The following DNAH5 variants were observed in gnomAD, a reference collection of about 807,000 sequenced individuals.
DNAH5 encodes the protein axonemal beta dynein heavy chain 5.
A neutral mutation model predicts 518.2 loss-of-function variants in DNAH5; 372 were observed. The observed-to-expected ratio is 0.72, with a 90% CI of 0.66 to 0.78. The LOEUF (loss-of-function observed/expected upper bound fraction) is 0.78. Ranked by LOEUF, DNAH5 falls within the 30% of genes least tolerant of loss-of-function variation. The probability of loss-of-function intolerance (pLI) is 0.00; values close to 1 mark genes in which losing one functional copy is unlikely to be tolerated. For synonymous variants in DNAH5, 2,039 were observed against 2,025.9 expected (o/e 1.01, Z -0.17); for missense variants, 5,523 against 5,687.0 (o/e 0.97, Z 0.93).
At chr5:13,928,299 G>A (rs1778086467) in intron 2 of DNAH5, 121 bp from the exon 3 acceptor site, 2 of 694,874 alleles carry the variant, frequency 2.9e-6, no homozygotes, top group East Asian at 2.7e-5. Context: ...AAACAGGACT[G>A]CATCTAATGT....
At chr5:13,737,746 A>G (rs1317990873) in intron 65 of DNAH5, among the ~76,000 whole-genome samples, 2 of 150,882 alleles carry the variant, frequency 1.3e-5, no homozygotes, top group Non-Finnish European at 3.0e-5. Context: ...TCAACATGGT[A>G]AAACCCCATC....
chr5:13,940,253 T>C (rs1265443684), intron 1 of DNAH5, among the ~76,000 whole-genome samples: 2 of 152,006 alleles, frequency 1.3e-5, no homozygotes, highest in Non-Finnish European at 2.9e-5. Flanking sequence ...GGACCTGAAG[T>C]GAGATCTGGT....
rs2151857094 is a variant in DNAH5, at chr5:13,839,400, A to G, written c.5838T>C (p.Phe1946=). The G allele has an allele frequency of 1.2e-6, 2 of 1,614,124 alleles. No individual in the cohort carries two copies. Among genetic ancestry groups the G allele is most frequent in the Admixed American group, 3.3e-5 (2 of 60,034 alleles). Residue 1946 remains phenylalanine (F), a synonymous_variant, in exon 35 of 79, where the codon TTT becomes TTC. Coordinates refer to ENST00000265104, the MANE Select transcript of DNAH5 (RefSeq NM_001369.3). Reference sequence around the variant, plus strand: ...TTACAAGCCTGTCAGTGCAGCCTAAAAATTCATTCTGGTATATGAACGCCA... The same window carrying G: ...TTACAAGCCTGTCAGTGCAGCCTAAGAATTCATTCTGGTATATGAACGCCA... ...TDVAFIYQNE[F]LGCTDRLVIT...
chr5:13,820,685 C>T (rs1338972041), intron 40 of DNAH5, among the ~76,000 whole-genome samples, 186 bp from the exon 41 acceptor site: 1 of 151,990 alleles, frequency 6.6e-6, no homozygotes. Flanking sequence ...ATTAGCCAGG[C>T]ATAGTGGTGG....
At chr5:13,845,813 C>A in intron 31 of DNAH5, among the ~76,000 whole-genome samples, 1 of 141,012 alleles carries the variant, frequency 7.1e-6, no homozygotes. Context: ...TATTAGTATT[C>A]ATTTTAGCCT....
chr5:13,798,755 T>C (rs1018468769), intron 47 of DNAH5, among the ~76,000 whole-genome samples: 1 of 140,072 alleles, frequency 7.1e-6, no homozygotes, highest in Non-Finnish European at 1.5e-5. Context: ...TTTATTTATT[T>C]ATTTATTTAT....
intron 58 of DNAH5, among the ~76,000 whole-genome samples, chr5:13,768,739 G>A (rs1362977583): frequency 6.6e-6 from 1 of 152,164 alleles, no homozygotes; most frequent in Non-Finnish European, 1.5e-5. Flanking sequence ...ATATGGCATT[G>A]CCCAACATTG....
chr5:13,791,086 A>C (rs1756911311), intron 50 of DNAH5, among the ~76,000 whole-genome samples: 1 of 152,024 alleles, frequency 6.6e-6, no homozygotes, highest in Non-Finnish European at 1.5e-5. Context: ...GTTAAAAATA[A>C]ATCAACAAAT....
intron 1 of DNAH5, among the ~76,000 whole-genome samples, chr5:13,994,188 G>T (rs1233319529): frequency 6.6e-6 from 1 of 152,162 alleles, no homozygotes; most frequent in Non-Finnish European, 1.5e-5. Flanking sequence ...CTGGCCCTAA[G>T]ATGGTGGCAC....
At chr5:13,701,517 AAAAG>A in intron 76 of DNAH5, 81 bp from the exon 77 acceptor site, 1 of 1,287,476 alleles carries the variant, frequency 7.8e-7, no homozygotes, top group East Asian at 2.3e-5. Context: ...TGAAAAAAAA[AAAAG>A]ATGAAATATC....
intron 1 of DNAH5, among the ~76,000 whole-genome samples, chr5:13,994,723 T>G (rs1394915385): frequency 6.6e-6 from 1 of 152,156 alleles, no homozygotes; most frequent in Non-Finnish European, 1.5e-5. Flanking sequence ...GACCTCAATT[T>G]GAGAGCTCTT....
At chr5:13,910,878 G>A (rs895666699) in intron 12 of DNAH5, among the ~76,000 whole-genome samples, 3 of 152,228 alleles carry the variant, frequency 2.0e-5, no homozygotes, top group Non-Finnish European at 4.4e-5. Context: ...AGGCAAGATG[G>A]CTGGTCTGCA....
chr5:13,994,331 G>A (rs1003424599), intron 1 of DNAH5, among the ~76,000 whole-genome samples: 2 of 152,102 alleles, frequency 1.3e-5, no homozygotes, highest in African/African-American at 2.4e-5. Context: ...GAATTTTGCC[G>A]CTGAGATCAT....
At chr5:13,809,306 T>G in intron 45 of DNAH5, 120 bp from the exon 46 acceptor site, 3 of 1,232,180 alleles carry the variant, frequency 2.4e-6, no homozygotes, top group Non-Finnish European at 3.6e-6. Context: ...AAAATGAAGA[T>G]CATTAAAATT....
intron 75 of DNAH5, among the ~76,000 whole-genome samples, chr5:13,713,761 T>G (rs1827409): frequency 0.44 from 67,091 of 151,244 alleles, 15,275 homozygotes; most frequent in African/African-American, 0.55. Flanking sequence ...GGTGATGGGT[T>G]CACCAATATC....
chr5:13,876,532 T>G, intron 22 of DNAH5, 152 bp downstream of exon 22: 1 of 836,932 alleles, frequency 1.2e-6, no homozygotes, highest in Non-Finnish European at 1.8e-6. Flanking sequence ...GATCTTCAGT[T>G]AGACAAACAT....
chr5:13,796,067 T>C (rs900134765), intron 47 of DNAH5, among the ~76,000 whole-genome samples: 5 of 152,200 alleles, frequency 3.3e-5, no homozygotes, highest in African/African-American at 1.2e-4. Flanking sequence ...ATAAGAGCTA[T>C]GTATGACAAA....
At chr5:13,797,001 T>C (rs888914881) in intron 47 of DNAH5, among the ~76,000 whole-genome samples, 4 of 152,164 alleles carry the variant, frequency 2.6e-5, no homozygotes, top group African/African-American at 9.7e-5. Context: ...TAGCCATACA[T>C]AGAAAGCTGA....
chr5:13,758,037 T>C lies in DNAH5; in HGVS notation c.10419+809A>G, dbSNP rs186526294. ...TTATCAGAGGCAGATACAGATTTTA[T>C]TAAGCCAAAAGCTTATATACTCTAG... On this transcript the variant is annotated intron_variant, in intron 61 of 78. Coordinates refer to ENST00000265104, the MANE Select transcript of DNAH5 (RefSeq NM_001369.3). Among the ~76,000 whole-genome samples, 78 of 151,726 alleles carry C rather than the reference T, an allele frequency of 5.1e-4. No homozygotes were observed. In the East Asian group the frequency reaches 0.011, roughly 22 times the overall value.
Sources: gnomAD v4.1 joint callset for allele counts (sites outside exome capture counted in the v4.1 genomes callset) on GRCh38, gnomAD v4.1.1 for gene constraint, MANE v1.5 for transcripts, NCBI Gene and HGNC (gene_info 2026-07-23, HGNC 2026-07-21) for gene names.